The following UNC80 variants were observed in gnomAD, a reference collection of about 807,000 sequenced individuals.
UNC80 encodes protein unc-80 homolog.
UNC80 carries 164 observed loss-of-function variants against 384.6 expected under a neutral mutation model. That is an observed-to-expected ratio of 0.43 (90% CI 0.38 to 0.49). The LOEUF is 0.49. Among genes scored for constraint, UNC80 ranks in the 20% least tolerant of loss-of-function variants. The pLI, the probability that UNC80 is intolerant of heterozygous loss-of-function variation, is 0.00. For missense variants in UNC80, 3,330 were observed against 4,143.0 expected, an observed-to-expected ratio of 0.80 and a Z score of 5.39; for synonymous variants, 1,486 against 1,527.8, an observed-to-expected ratio of 0.97 and a Z score of 0.64.
At chr2:209,989,798 A>G (rs1209301975) in intron 61 of UNC80, among the ~76,000 whole-genome samples, 2 of 152,238 alleles carry the variant, frequency 1.3e-5, no homozygotes, top group Middle Eastern at 3.2e-3. Flanking sequence ...TGCAACTTCA[A>G]TTTGATATAG....
At chr2:209,871,693 A>C (rs1325246097) in intron 22 of UNC80, among the ~76,000 whole-genome samples, 1 of 152,240 alleles carries the variant, frequency 6.6e-6, no homozygotes, top group South Asian at 2.1e-4. Flanking sequence ...TTGACCTTCT[A>C]TGGAAAACTT....
chr2:209,930,342 TCAGACCAC>T (rs2090756607), intron 37 of UNC80, among the ~76,000 whole-genome samples: 1 of 152,164 alleles, frequency 6.6e-6, no homozygotes, highest in African/African-American at 2.4e-5. Context: ...ACCTGATTTG[TCAGACCAC>T]CTTGTAAGAA....
chr2:209,821,111 G>A (rs34039566), intron 13 of UNC80, among the ~76,000 whole-genome samples: 58,255 of 150,716 alleles, frequency 0.39, 13,138 homozygotes, highest in Non-Finnish European at 0.5. Context: ...CATGGTTCTG[G>A]AGGCTGGGAA....
At position 209,820,297 on chromosome 2, in the gene UNC80, C is replaced by T. The variant is rs2080043112; in HGVS notation, c.1963-14C>T. On this transcript the variant is annotated splice_polypyrimidine_tract_variant and intron_variant, in intron 12 of 64. Transcript: ENST00000673920. ...GGTAACTTAATCATGCTGTGTTTAT[C>T]TTGTTTTCCTCAGGTAGTTCTGAAG... The T allele has an allele frequency of 4.0e-6, 6 of 1,515,486 alleles. No homozygotes were observed. Among genetic ancestry groups the T allele is most frequent in the Non-Finnish European group, 5.3e-6 (6 of 1,131,834 alleles). 93.9% of individuals were successfully genotyped at this position (1,515,486 alleles called of 1,614,324 possible). A position where few individuals can be genotyped will look rare whatever the true frequency, so the allele number is the denominator to read the frequency against.
chr2:209,859,529 A>G (rs2083199830), intron 22 of UNC80, among the ~76,000 whole-genome samples: 1 of 152,214 alleles, frequency 6.6e-6, no homozygotes, highest in South Asian at 2.1e-4. Context: ...AATGATTTAT[A>G]TTCCTTTGGG....
chr2:209,984,713 G>A, intron 60 of UNC80, 143 bp from the exon 61 acceptor site: 2 of 766,162 alleles, frequency 2.6e-6, no homozygotes, highest in Non-Finnish European at 4.1e-6. Flanking sequence ...TGAAATGGTT[G>A]ACTGTCTCCT....
intron 7 of UNC80, chr2:209,795,873 A>G (rs1386085300): frequency 1.3e-5 from 2 of 152,252 alleles, no homozygotes; most frequent in African/African-American, 2.4e-5. Flanking sequence ...CCTCATGGAG[A>G]ACCTCTGCTA....
intron 25 of UNC80, among the ~76,000 whole-genome samples, chr2:209,887,792 A>G (rs2085962093): frequency 6.6e-6 from 1 of 152,238 alleles, no homozygotes; most frequent in African/African-American, 2.4e-5. Flanking sequence ...AGATGCAGCC[A>G]AAACTGTGGA....
At chr2:209,791,822 A>AG (rs1271671556) in intron 6 of UNC80, among the ~76,000 whole-genome samples, 1 of 94,066 alleles carries the variant, frequency 1.1e-5, no homozygotes, top group African/African-American at 3.5e-5. Context: ...TCCGTCTCAA[A>AG]AAAAAAAAAA....
At chr2:209,823,079 C>T (rs774909349) in intron 13 of UNC80, among the ~76,000 whole-genome samples, 1 of 152,178 alleles carries the variant, frequency 6.6e-6, no homozygotes, top group Non-Finnish European at 1.5e-5. Flanking sequence ...AATTTTGCAA[C>T]TTAGTAATAA....
rs768634664 is a variant in UNC80 at position 209,976,976 on chromosome 2, C to G, written c.8836C>G (p.Leu2946Val). 10 of 1,535,574 alleles carry G rather than the reference C, an allele frequency of 6.5e-6. No homozygotes were observed. The highest frequency in any genetic ancestry group is 8.8e-6 in the Non-Finnish European group (10 of 1,133,700). The change falls in exon 58 of 65, where the codon CTG becomes GTG. Residue 2946 changes from leucine (L) to valine (V), a missense_variant. Leu to Val is a conservative substitution (Grantham distance 32). Transcript: ENST00000673920. This position sits in a 1 kb window ranked among gnomAD's most constrained non-coding sequence, Gnocchi z 4.3. ...CGCCCGGCAACATATTGCCGACCAG[C>G]TGGAGCGGCGCTTCATACCACGCCC... ...LSARQHIADQ[L>V]ERRFIPRPLC...
At chr2:209,975,770 A>G (rs1270699172) in intron 56 of UNC80, among the ~76,000 whole-genome samples, 1 of 152,216 alleles carries the variant, frequency 6.6e-6, no homozygotes. Context: ...AGTTATTATG[A>G]TAAAACTTTT....
At chr2:209,849,368 T>G in intron 21 of UNC80, 83 bp from the exon 22 acceptor site, 1 of 1,466,118 alleles carries the variant, frequency 6.8e-7, no homozygotes, top group Non-Finnish European at 9.2e-7. Flanking sequence ...AAACACACTG[T>G]TATATCTTTG....
intron 7 of UNC80, among the ~76,000 whole-genome samples, chr2:209,804,578 G>A (rs1167711368): frequency 1.3e-5 from 2 of 151,838 alleles, no homozygotes; most frequent in East Asian, 1.9e-4. Context: ...CCACTAGAAT[G>A]GAAAAAATCC....
chr2:209,781,235 C>T (rs770095624), intron 4 of UNC80, among the ~76,000 whole-genome samples: 1 of 152,136 alleles, frequency 6.6e-6, no homozygotes, highest in Non-Finnish European at 1.5e-5. Context: ...AAAATTTTCA[C>T]TGCCATTTCT....
rs2081617071 is a variant in UNC80, at chr2:209,839,960, A to G, written c.3250+530A>G. On this transcript the variant is annotated intron_variant, in intron 19 of 64. Coordinates refer to ENST00000673920, the MANE Select transcript of UNC80 (RefSeq NM_001371986.1). The surrounding 1 kb of genome is among the most constrained non-coding windows in gnomAD (Gnocchi z 4.1). ...ATATTAGGAGGCTGAAGGGAAGTGA[A>G]GGAACTGAAACAAGGGGACAAGTGG... 6.6e-6 allele frequency among the ~76,000 whole-genome samples: 1 copy of G among 152,136 alleles called. No homozygotes were observed. Among genetic ancestry groups the G allele is most frequent in the South Asian group, 2.1e-4 (1 of 4,826 alleles).
intron 29 of UNC80, among the ~76,000 whole-genome samples, chr2:209,912,287 A>G (rs1465268102): frequency 6.6e-6 from 1 of 152,226 alleles, no homozygotes; most frequent in Non-Finnish European, 1.5e-5. Flanking sequence ...TTTGCAACTC[A>G]GTCAAGTTCC....
In UNC80 at chr2:209,975,241, A is replaced by G. The variant is rs537410613; in HGVS notation, c.8588-878A>G. On this transcript the variant is annotated intron_variant, in intron 56 of 64. Transcript: ENST00000673920. ...TTAGATGCTGAGATTCATGGGCCTT[A>G]AGAATGATCAAGAAGACCCAGGTCA... Among the ~76,000 whole-genome samples, 13 of 152,318 alleles carry G rather than the reference A, an allele frequency of 8.5e-5. No homozygotes were observed. In the East Asian group the frequency reaches 2.3e-3, roughly 27 times the overall value.
chr2:209,833,188 A>G (rs143571965), intron 16 of UNC80, among the ~76,000 whole-genome samples: 1,808 of 151,436 alleles, frequency 0.012, 39 homozygotes, highest in African/African-American at 0.04. Context: ...TAATTGTCCC[A>G]GTGGTCTCAG....
Sources: allele counts gnomAD v4.1 joint callset (sites outside exome capture counted in the v4.1 genomes callset), GRCh38; gene constraint gnomAD v4.1.1; non-coding constraint Gnocchi (gnomAD v3.1); transcripts MANE v1.5; gene names NCBI Gene and HGNC (gene_info 2026-07-23, HGNC 2026-07-21).